RANBP2: variants seen among roughly 807,000 people sequenced by gnomAD.
RANBP2 encodes the protein E3 SUMO-protein ligase RanBP2.
A neutral mutation model predicts 303.6 loss-of-function variants in RANBP2; 57 were observed. That is an observed-to-expected ratio of 0.19 (90% CI 0.15 to 0.23). RANBP2 has a LOEUF of 0.23. Ranked by LOEUF, RANBP2 falls within the 10% of genes least tolerant of loss-of-function variation. The probability of loss-of-function intolerance (pLI) is 1.00; values close to 1 mark genes in which losing one functional copy is unlikely to be tolerated. For missense variants in RANBP2, 3,138 were observed against 3,780.8 expected (o/e 0.83, Z 4.46); for synonymous variants, 1,167 against 1,301.5 (o/e 0.90, Z 2.23).
the RANBP2 span, among the ~76,000 whole-genome samples, chr2:109,315,620 G>A: frequency 3.9e-5 from 6 of 152,374 alleles, no homozygotes; most frequent in South Asian, 4.1e-4. Context: ...GCACAAGGAC[G>A]TGTGTGTCCA....
the RANBP2 span, among the ~76,000 whole-genome samples, chr2:109,559,911 C>CTTTT: frequency 6.0e-4 from 71 of 117,546 alleles, 2 homozygotes; most frequent in African/African-American, 1.4e-3. Flanking sequence ...CAACCAATGC[C>CTTTT]TTTTTTTTTT....
chr2:108,982,759 C>T, the RANBP2 span, among the ~76,000 whole-genome samples: 1 of 152,138 alleles, frequency 6.6e-6, no homozygotes, highest in Non-Finnish European at 1.5e-5. Context: ...AACCGAGTGT[C>T]CCGAGTCACC....
the RANBP2 span, among the ~76,000 whole-genome samples, chr2:108,903,225 G>GA: frequency 2.6e-5 from 4 of 151,906 alleles, no homozygotes; most frequent in South Asian, 8.3e-4. Context: ...CAATGCAGAT[G>GA]AAAAAAAATT....
chr2:109,393,507 G>A, the RANBP2 span, among the ~76,000 whole-genome samples: 1 of 152,174 alleles, frequency 6.6e-6, no homozygotes, highest in Admixed American at 6.5e-5. Flanking sequence ...GCAGGTCTTT[G>A]AGCAGAGCCC....
At chr2:109,273,817 G>A in the RANBP2 span, among the ~76,000 whole-genome samples, 1 of 152,124 alleles carries the variant, frequency 6.6e-6, no homozygotes. Context: ...CTTGAGACCA[G>A]GCTCAGCATA....
chr2:109,249,469 CTT>C, the RANBP2 span, among the ~76,000 whole-genome samples: 8 of 15,682 alleles, frequency 5.1e-4, no homozygotes, highest in African/African-American at 3.3e-3. Context: ...CTCTCTTTCT[CTT>C]TCTTTCTTTC....
Position 108,784,432 on chromosome 2 carries a change from A to C in RANBP2, c.*531A>C, listed in dbSNP as rs1290032848. The C allele has an allele frequency of 1.3e-5, 2 of 153,354 alleles. No homozygotes were observed. Among genetic ancestry groups the C allele is most frequent in the African/African-American group, 4.8e-5 (2 of 41,444 alleles). 9.5% of individuals were successfully genotyped at this position (153,354 alleles called of 1,614,324 possible). On this transcript the variant is annotated 3_prime_UTR_variant, in exon 29 of 29. Transcript: ENST00000283195. Reference sequence around the variant, plus strand: ...CAAAGTGCTCTTCTCTAGAATCTTTACACCTCCTGTGTGGTTACAAGTTAA... The same window carrying C: ...CAAAGTGCTCTTCTCTAGAATCTTTCCACCTCCTGTGTGGTTACAAGTTAA...
At chr2:109,686,439 C>A in the RANBP2 span, among the ~76,000 whole-genome samples, 1 of 152,056 alleles carries the variant, frequency 6.6e-6, no homozygotes, top group Admixed American at 6.6e-5. Flanking sequence ...CTCAGCCTTT[C>A]GAGTAGCTGG....
the RANBP2 span, among the ~76,000 whole-genome samples, chr2:108,860,541 T>A: frequency 6.6e-6 from 1 of 151,982 alleles, no homozygotes; most frequent in Non-Finnish European, 1.5e-5. Flanking sequence ...TAAAGAGATG[T>A]TGGATTTTAT....
the RANBP2 span, among the ~76,000 whole-genome samples, chr2:108,877,704 G>A: frequency 3.3e-5 from 5 of 152,020 alleles, no homozygotes; most frequent in East Asian, 1.9e-4. Context: ...CAAGTGGAGC[G>A]GAAGCAATAT....
chr2:109,419,397 G>A, the RANBP2 span: 2 of 809,454 alleles, frequency 2.5e-6, no homozygotes, highest in Non-Finnish European at 3.9e-6. Flanking sequence ...GACAGTCCAG[G>A]TAGGCACAGC....
the RANBP2 span, among the ~76,000 whole-genome samples, chr2:109,104,381 C>T: frequency 6.6e-6 from 1 of 151,844 alleles, no homozygotes; most frequent in African/African-American, 2.4e-5. Flanking sequence ...CCCTTCCCAT[C>T]GTGGAATGAA....
the RANBP2 span, among the ~76,000 whole-genome samples, chr2:109,301,203 G>A: frequency 6.6e-6 from 1 of 152,152 alleles, no homozygotes; most frequent in Non-Finnish European, 1.5e-5. Context: ...GTTCCTCTGC[G>A]CAGGCTGATG....
At chr2:109,553,535 C>T in the RANBP2 span, among the ~76,000 whole-genome samples, 11 of 144,540 alleles carry the variant, frequency 7.6e-5, no homozygotes, top group East Asian at 8.1e-4. Context: ...CAGAGCGAGA[C>T]TCTGTCTCCA....
chr2:109,565,807 T>A, the RANBP2 span: 1 of 1,614,154 alleles, frequency 6.2e-7, no homozygotes, highest in Non-Finnish European at 8.5e-7. Context: ...GACCATCTTG[T>A]TTCCGACTTT....
At chr2:108,981,362 G>A in the RANBP2 span, among the ~76,000 whole-genome samples, 67,688 of 152,044 alleles carry the variant, frequency 0.45, 17,665 homozygotes, top group South Asian at 0.6. Context: ...CCAACTTCAG[G>A]GAAGAAGAAA....
At chr2:109,730,826 T>C in the RANBP2 span, among the ~76,000 whole-genome samples, 3 of 148,284 alleles carry the variant, frequency 2.0e-5, no homozygotes, top group East Asian at 5.9e-4. Flanking sequence ...TTCACTCTTG[T>C]TGCCCAGGCT....
the RANBP2 span, among the ~76,000 whole-genome samples, chr2:109,060,557 A>G: frequency 6.6e-6 from 1 of 152,334 alleles, no homozygotes; most frequent in Non-Finnish European, 1.5e-5. Context: ...TTGTGAATAG[A>G]TAATACTCAA....
At chr2:109,588,044 G>A in the RANBP2 span, among the ~76,000 whole-genome samples, 1 of 152,046 alleles carries the variant, frequency 6.6e-6, no homozygotes. Context: ...GTGAGCTACA[G>A]ATGTTGCTTA....
Sources: gnomAD v4.1 joint callset for allele counts (sites outside exome capture counted in the v4.1 genomes callset) on GRCh38, gnomAD v4.1.1 for gene constraint, MANE v1.5 for transcripts, NCBI Gene and HGNC (gene_info 2026-07-23, HGNC 2026-07-21) for gene names.